The following TBCK variants were observed in gnomAD, a reference collection of about 807,000 sequenced individuals.
TBCK encodes TBC1 domain containing kinase.
In TBCK, 99 loss-of-function variants were observed where a neutral mutation model predicts 113.4. That is an observed-to-expected ratio of 0.87 (90% CI 0.74 to 1.03). The LOEUF is 1.03. Ranked by LOEUF, TBCK falls within the 50% of genes least tolerant of loss-of-function variation. The pLI is 0.00. For synonymous variants in TBCK, 369 were observed against 370.8 expected, an observed-to-expected ratio of 1.00 and a Z score of 0.05; for missense variants, 1,045 against 1,061.3, an observed-to-expected ratio of 0.98 and a Z score of 0.21.
In TBCK at chr4:106,204,194, T is replaced by G. The variant is rs538814239; in HGVS notation, c.1860+8556A>C. On this transcript the variant is annotated intron_variant, in intron 20 of 25. Transcript: ENST00000394708. ...CTAAACTTCATTATGAGGTAGAATT[T>G]ATTATAATCTACATCAATGGTAAGA... 4.6e-5 allele frequency among the ~76,000 whole-genome samples: 7 copies of G among 152,300 alleles called. No homozygotes were observed. In the East Asian group the frequency reaches 1.3e-3, roughly 29 times the overall value.
At chr4:106,248,180 GA>G in intron 9 of TBCK, 64 bp downstream of exon 9, 3 of 1,143,670 alleles carry the variant, frequency 2.6e-6, no homozygotes, top group Non-Finnish European at 3.7e-6. Flanking sequence ...ATTAAAACAA[GA>G]AAAAAACCAA....
In TBCK at chr4:106,220,292, C is replaced by G. The variant is rs1156586358; in HGVS notation, c.1775-7457G>C. Among the ~76,000 whole-genome samples the G allele has an allele frequency of 3.3e-5, 5 of 152,244 alleles. No individual in the cohort carries two copies. The East Asian group carries it at 9.7e-4, about 29-fold the overall frequency. On this transcript the variant is annotated intron_variant, in intron 19 of 25. Transcript: ENST00000394708. ...CTGACGGGTTCTTCAGGGGTTTCTGCTTTTGCTTCTTCCTCATCTTCTCCT... is the reference window on the plus strand; with the variant it reads ...CTGACGGGTTCTTCAGGGGTTTCTGGTTTTGCTTCTTCCTCATCTTCTCCT...
At position 106,124,187 on chromosome 4, in the gene TBCK, G is replaced by A. The variant is rs994722958; in HGVS notation, c.2236-7809C>T. ...CAAACAACCCCATCAACAAGTGGGC[G>A]AAGGACATGAACAGACACTTCTCAA... On this transcript the variant is annotated intron_variant, in intron 23 of 25. Transcript: ENST00000394708. Among the ~76,000 whole-genome samples the A allele has an allele frequency of 1.5e-3, 228 of 152,288 alleles. 1 individual carries two copies. The highest frequency in any genetic ancestry group is 4.9e-3 in the African/African-American group (202 of 41,562).
intron 23 of TBCK, among the ~76,000 whole-genome samples, chr4:106,162,749 C>T (rs1031640669): frequency 6.6e-6 from 1 of 152,104 alleles, no homozygotes; most frequent in African/African-American, 2.4e-5. Context: ...GCTGAAGTCA[C>T]TGGGACACAG....
At chr4:106,283,176 C>T (rs1473016304) in intron 3 of TBCK, among the ~76,000 whole-genome samples, 1 of 151,780 alleles carries the variant, frequency 6.6e-6, no homozygotes, top group African/African-American at 2.4e-5. Flanking sequence ...CATGACTAAC[C>T]TAAAAGTATA....
intron 5 of TBCK, among the ~76,000 whole-genome samples, chr4:106,255,311 A>G (rs1363145212): frequency 2.0e-5 from 3 of 152,300 alleles, no homozygotes; most frequent in South Asian, 2.1e-4. Flanking sequence ...CGTTCCATCC[A>G]CTTGGACTGG....
rs138677147 is a variant in TBCK at position 106,244,529 on chromosome 4, A to G, written c.1070+97T>C. The G allele has an allele frequency of 1.0e-4, 9 of 88,152 alleles. No homozygotes were observed. The East Asian group carries it at 2.5e-3, about 25-fold the overall frequency. The allele number at this position is 88,152 out of a possible 1,614,324, so 5.5% of individuals were successfully genotyped here. ...AAAAAATTTTAAAAACAACCAATTT[A>G]AAAAAAAAAAACACCGATTTTCTTT... is the stretch of plus-strand genomic sequence containing the variant. On this transcript the variant is annotated intron_variant, in intron 11 of 25. Coordinates refer to ENST00000394708, the MANE Select transcript of TBCK (RefSeq NM_001163435.3).
intron 19 of TBCK, among the ~76,000 whole-genome samples, chr4:106,216,248 C>T (rs1756900037): frequency 6.7e-6 from 1 of 149,678 alleles, no homozygotes; most frequent in Non-Finnish European, 1.5e-5. Context: ...GCACTAAATG[C>T]CCACAAGAGA....
chr4:106,293,786 T>C (rs1008844804), intron 3 of TBCK, among the ~76,000 whole-genome samples: 2 of 152,244 alleles, frequency 1.3e-5, no homozygotes, highest in African/African-American at 2.4e-5. Context: ...ATTGTGGTAA[T>C]GGAAAATTAT....
chr4:106,104,681 T>C (rs73836981), intron 24 of TBCK, among the ~76,000 whole-genome samples: 1,987 of 152,324 alleles, frequency 0.013, 45 homozygotes, highest in African/African-American at 0.043. Context: ...TCTGATCCTG[T>C]TCCTCCTCAC....
At chr4:106,104,640 G>A (rs752865254) in intron 24 of TBCK, among the ~76,000 whole-genome samples, 1 of 151,936 alleles carries the variant, frequency 6.6e-6, no homozygotes, top group Non-Finnish European at 1.5e-5. Flanking sequence ...CCAAAATGTG[G>A]CCAGAATACA....
chr4:106,227,806 T>C (rs1165507994), intron 19 of TBCK, among the ~76,000 whole-genome samples: 12 of 152,064 alleles, frequency 7.9e-5, no homozygotes, highest in African/African-American at 2.9e-4. Flanking sequence ...GAAAATTCCC[T>C]GGCCTTAAAA....
At chr4:106,175,343 C>A (rs917358963) in intron 22 of TBCK, among the ~76,000 whole-genome samples, 1 of 149,024 alleles carries the variant, frequency 6.7e-6, no homozygotes, top group African/African-American at 2.5e-5. Flanking sequence ...AGAACAGCAC[C>A]AAAAATCAGA....
chr4:106,112,295 C>T (rs1475169546), intron 24 of TBCK, among the ~76,000 whole-genome samples: 1 of 152,186 alleles, frequency 6.6e-6, no homozygotes, highest in African/African-American at 2.4e-5. Flanking sequence ...CTGCAAATAG[C>T]ACTCTCTGAT....
chr4:106,286,413 G>T (rs1253768519), intron 3 of TBCK, among the ~76,000 whole-genome samples: 1 of 152,096 alleles, frequency 6.6e-6, no homozygotes. Flanking sequence ...TTCAAACAAA[G>T]ATAAAAAATG....
chr4:106,241,361 A>G (rs535950573), intron 12 of TBCK, among the ~76,000 whole-genome samples: 1 of 152,100 alleles, frequency 6.6e-6, no homozygotes, highest in South Asian at 2.1e-4. Context: ...ATGTCAATCA[A>G]AACCCTATAA....
rs184721686 is a variant in TBCK at position 106,042,708 on chromosome 4, A to T, written c.*3862T>A. Reference sequence around the variant, plus strand: ...TTTTTGGTAACTATTTGGAGGAGGAAAGCACAGGAATCCAACAAAAATCTG... The same window carrying T: ...TTTTTGGTAACTATTTGGAGGAGGATAGCACAGGAATCCAACAAAAATCTG... On this transcript the variant is annotated 3_prime_UTR_variant, in exon 26 of 26. Coordinates refer to ENST00000394708, the MANE Select transcript of TBCK (RefSeq NM_001163435.3). The T allele has an allele frequency of 2.7e-4, 41 of 152,316 alleles. 1 individual carries two copies. Among genetic ancestry groups the T allele is most frequent in the African/African-American group, 9.6e-4 (40 of 41,554 alleles). 9.4% of individuals were successfully genotyped at this position (152,316 alleles called of 1,614,324 possible). A position where few individuals can be genotyped will look rare whatever the true frequency, so the allele number is the denominator to read the frequency against.
chr4:106,178,211 A>G (rs1018604298), intron 22 of TBCK, among the ~76,000 whole-genome samples: 4 of 152,004 alleles, frequency 2.6e-5, no homozygotes, highest in African/African-American at 9.7e-5. Context: ...CTGTTCTAAC[A>G]GTTTTTTGGT....
intron 3 of TBCK, among the ~76,000 whole-genome samples, chr4:106,288,820 A>G (rs544827870): frequency 6.6e-6 from 1 of 152,242 alleles, no homozygotes; most frequent in Admixed American, 6.5e-5. Context: ...TGATACCACA[A>G]GTAGAAAATT....
Sources: gnomAD v4.1 joint callset for allele counts (sites outside exome capture counted in the v4.1 genomes callset) on GRCh38, gnomAD v4.1.1 for gene constraint, MANE v1.5 for transcripts, NCBI Gene and HGNC (gene_info 2026-07-23, HGNC 2026-07-21) for gene names.